Variants in ASAP1 observed in about 807,000 individuals in gnomAD.
The protein encoded by ASAP1 is ArfGAP with SH3 domain, ankyrin repeat and PH domain 1, also known as arf-GAP with SH3 domain, ANK repeat and PH domain-containing protein 1.
ASAP1 carries 43 observed loss-of-function variants against 145.2 expected under a neutral mutation model. That is an observed-to-expected ratio of 0.30 (90% CI 0.23 to 0.38). The LOEUF (loss-of-function observed/expected upper bound fraction) is 0.38, where lower values mean the gene tolerates loss of function less well. ASAP1 is among the 10% of genes least tolerant of loss of function. The pLI is 1.00. For synonymous variants in ASAP1, 546 were observed against 515.5 expected (o/e 1.06, Z -0.80); for missense variants, 1,018 against 1,355.3 (o/e 0.75, Z 3.91).
rs980316070 is a variant in ASAP1, at chr8:130,320,942, G to A, written c.186+37075C>T. 4.6e-5 allele frequency among the ~76,000 whole-genome samples: 7 copies of A among 152,218 alleles called. No individual in the cohort carries two copies. The South Asian group carries it at 8.3e-4, about 18-fold the overall frequency. On this transcript the variant is annotated intron_variant, in intron 3 of 29. Transcript: ENST00000518721. The stretch of plus-strand genomic sequence containing the variant: ...ACAATAAAACAAGTAAACAACTAAC[G>A]GGCTAGCCACCTATCTAACTTCAAA...
intron 15 of ASAP1, among the ~76,000 whole-genome samples, chr8:130,132,027 C>T (rs148034794): frequency 1.3e-5 from 2 of 150,046 alleles, no homozygotes; most frequent in Admixed American, 1.3e-4. Context: ...AAATTACTCA[C>T]CTGTGTTTCA....
chr8:130,067,984 G>C (rs1042646748), intron 27 of ASAP1, among the ~76,000 whole-genome samples: 1 of 152,172 alleles, frequency 6.6e-6, no homozygotes, highest in Non-Finnish European at 1.5e-5. Context: ...ACAGAAACAT[G>C]TGGTTTGAGA....
chr8:130,311,533 G>A lies in ASAP1; in HGVS notation c.186+46484C>T, dbSNP rs1251435799. Among the ~76,000 whole-genome samples, 165 of 152,124 alleles carry A rather than the reference G, an allele frequency of 1.1e-3. 3 individuals are homozygous for A. The highest frequency in any genetic ancestry group is 1.2e-4 in the Non-Finnish European group (8 of 68,028). Reference sequence around the variant, plus strand: ...TCCCAGCACTTTGGGAGGCCAAGGCGGGAGGATCACCTGAGGTTGGAAGTT... The same window carrying A: ...TCCCAGCACTTTGGGAGGCCAAGGCAGGAGGATCACCTGAGGTTGGAAGTT... On this transcript the variant is annotated intron_variant, in intron 3 of 29. Coordinates refer to ENST00000518721, the MANE Select transcript of ASAP1 (RefSeq NM_018482.4).
chr8:130,394,385 C>G (rs984908268), intron 2 of ASAP1, among the ~76,000 whole-genome samples: 5 of 152,250 alleles, frequency 3.3e-5, no homozygotes, highest in Admixed American at 1.3e-4. Flanking sequence ...CCATAGCGCT[C>G]CCAGGCTTAT....
intron 25 of ASAP1, chr8:130,084,027 G>C (rs973319671): frequency 1.3e-5 from 2 of 152,168 alleles, no homozygotes; most frequent in African/African-American, 4.8e-5. Context: ...TCCTGACCTC[G>C]AGTGATCCAC....
chr8:130,282,021 C>T (rs1821280031), intron 3 of ASAP1, among the ~76,000 whole-genome samples: 1 of 149,054 alleles, frequency 6.7e-6, no homozygotes, highest in Non-Finnish European at 1.5e-5. Context: ...GAGCCAAGAT[C>T]ATGACCGATT....
intron 3 of ASAP1, among the ~76,000 whole-genome samples, chr8:130,278,738 G>A (rs574732607): frequency 2.8e-4 from 42 of 152,184 alleles, no homozygotes; most frequent in Non-Finnish European, 5.1e-4. Context: ...ATATAAATAC[G>A]CATGGGTGAA....
At chr8:130,401,005 C>T (rs558088173) in intron 2 of ASAP1, among the ~76,000 whole-genome samples, 28 of 151,852 alleles carry the variant, frequency 1.8e-4, no homozygotes, top group Non-Finnish European at 2.9e-4. Flanking sequence ...CTCAGCCTCC[C>T]GAGTAGCTGG....
At chr8:130,362,106 G>A (rs970855089) in intron 2 of ASAP1, among the ~76,000 whole-genome samples, 2 of 152,018 alleles carry the variant, frequency 1.3e-5, no homozygotes, top group Non-Finnish European at 2.9e-5. Context: ...CAGCAATGGC[G>A]CTAACGACCC....
intron 15 of ASAP1, among the ~76,000 whole-genome samples, chr8:130,133,718 G>T (rs2097587459): frequency 6.6e-6 from 1 of 151,992 alleles, no homozygotes. Flanking sequence ...TCCAACCCAG[G>T]AGTATGTGAT....
rs201423638 is a variant in ASAP1 at position 130,208,927 on chromosome 8, T to TA, written c.405+5628dup. Among the ~76,000 whole-genome samples, 540 of 150,056 alleles carry TA rather than the reference T, an allele frequency of 3.6e-3. 1 individual carries two copies. Among genetic ancestry groups the TA allele is most frequent in the African/African-American group, 0.013 (518 of 40,960 alleles). On this transcript the variant is annotated intron_variant, in intron 5 of 29. Transcript: ENST00000518721. ...TCATTTCATCTATTTGCCATCCCCC[T>TA]AAAAAAAAAGAGGTACAGACAAAAG...
chr8:130,106,351 A>G (rs541156874), intron 24 of ASAP1, among the ~76,000 whole-genome samples: 12 of 152,308 alleles, frequency 7.9e-5, no homozygotes, highest in African/African-American at 2.9e-4. Context: ...TGATAGGAAA[A>G]TATTTCCCAT....
chr8:130,180,098 G>A (rs1448183440), intron 8 of ASAP1, among the ~76,000 whole-genome samples: 1 of 151,428 alleles, frequency 6.6e-6, no homozygotes, highest in Non-Finnish European at 1.5e-5. Flanking sequence ...GAAAGAGAAG[G>A]AGGGAATAGA....
Position 130,358,649 on chromosome 8 carries a change from A to C in ASAP1, c.60-506T>G, listed in dbSNP as rs1186490445. On this transcript the variant is annotated intron_variant, in intron 2 of 29. Coordinates refer to ENST00000518721, the MANE Select transcript of ASAP1 (RefSeq NM_018482.4). The surrounding 1 kb of genome is among the most constrained non-coding windows in gnomAD (Gnocchi z 4.1). ...GGCGGGCGGCGCTCGCGCTGCAGTC[A>C]CGGGGCCAAACAAGGAAGTGCTCTG... Among the ~76,000 whole-genome samples the C allele has an allele frequency of 6.8e-6, 1 of 146,492 alleles. No individual in the cohort carries two copies. Among genetic ancestry groups the C allele is most frequent in the East Asian group, 2.0e-4 (1 of 4,972 alleles).
intron 9 of ASAP1, among the ~76,000 whole-genome samples, chr8:130,172,737 G>T (rs1160133232): frequency 1.3e-5 from 2 of 152,170 alleles, no homozygotes; most frequent in Admixed American, 6.5e-5. Context: ...TATTTGAACA[G>T]CACAAAAGAA....
chr8:130,155,318 G>C (rs1308047573), intron 12 of ASAP1, among the ~76,000 whole-genome samples: 1 of 152,178 alleles, frequency 6.6e-6, no homozygotes, highest in Admixed American at 6.5e-5. Context: ...CCAGAGGAAA[G>C]GGAACAATCT....
At chr8:130,287,877 G>A (rs1821714371) in intron 3 of ASAP1, among the ~76,000 whole-genome samples, 1 of 152,150 alleles carries the variant, frequency 6.6e-6, no homozygotes, top group Non-Finnish European at 1.5e-5. Flanking sequence ...CCCTGGGAAG[G>A]TTTGGTAAAC....
chr8:130,312,598 C>A (rs534532395), intron 3 of ASAP1, among the ~76,000 whole-genome samples: 1 of 152,318 alleles, frequency 6.6e-6, no homozygotes, highest in Admixed American at 6.5e-5. Context: ...CATTATCTCA[C>A]TGAACCAACC....
chr8:130,324,778 T>C (rs551526240), intron 3 of ASAP1, among the ~76,000 whole-genome samples: 4 of 152,198 alleles, frequency 2.6e-5, no homozygotes, highest in African/African-American at 4.8e-5. Flanking sequence ...GTAATGAACA[T>C]TCACATGGCC....
Sources: allele counts gnomAD v4.1 joint callset (sites outside exome capture counted in the v4.1 genomes callset), GRCh38; gene constraint gnomAD v4.1.1; non-coding constraint Gnocchi (gnomAD v3.1); transcripts MANE v1.5; gene names NCBI Gene and HGNC (gene_info 2026-07-23, HGNC 2026-07-21).